Variants in FYCO1 observed in about 807,000 individuals in gnomAD.
FYCO1 encodes the protein FYVE and coiled-coil domain autophagy adaptor 1.
FYCO1 carries 122 observed loss-of-function variants against 165.1 expected under a neutral mutation model. That is an observed-to-expected ratio of 0.74 (90% CI 0.64 to 0.86). FYCO1 has a LOEUF of 0.86. Among genes scored for constraint, FYCO1 ranks in the 40% least tolerant of loss-of-function variants. The probability of loss-of-function intolerance (pLI) is 0.00; values close to 1 mark genes in which losing one functional copy is unlikely to be tolerated. For missense variants in FYCO1, 1,702 were observed against 1,810.3 expected (o/e 0.94, Z 1.09); for synonymous variants, 648 against 742.5 (o/e 0.87, Z 2.07).
At chr3:45,922,880 CAGATCAGGCAGTT>C (rs2125786913) in intron 17 of FYCO1, among the ~76,000 whole-genome samples, 1 of 152,312 alleles carries the variant, frequency 6.6e-6, no homozygotes, top group Non-Finnish European at 1.5e-5. Flanking sequence ...TGGCCAGAAA[CAGATCAGGCAGTT>C]CTCTCTAAAG....
rs201302543 is a variant in FYCO1, at chr3:45,981,585, A to C, written c.147T>G (p.Leu49=). The C allele has an allele frequency of 1.9e-6, 3 of 1,608,366 alleles. No individual in the cohort carries two copies. The Admixed American group carries it at 5.0e-5, about 27-fold the overall frequency. The change falls in exon 3 of 18, where the codon CTT becomes CTG. Residue 49 remains leucine (L), a synonymous_variant. Coordinates refer to ENST00000296137, the MANE Select transcript of FYCO1 (RefSeq NM_024513.4). ...STSLHKFSYK[L]EYLLQFDQKE... ...CATCACTTACTTGCAGGAGATACTCAAGTTTATAAGAAAATTTATGCAAGC... is the reference window on the plus strand; with the variant it reads ...CATCACTTACTTGCAGGAGATACTCCAGTTTATAAGAAAATTTATGCAAGC...
intron 1 of FYCO1, among the ~76,000 whole-genome samples, chr3:45,990,550 G>A (rs2125881198): frequency 6.6e-6 from 1 of 152,166 alleles, no homozygotes; most frequent in South Asian, 2.1e-4. Flanking sequence ...GTAATTTTTT[G>A]TTGAATCTCT....
chr3:45,947,518 C>G (rs376882050), intron 14 of FYCO1: 1 of 1,607,084 alleles, frequency 6.2e-7, no homozygotes, highest in Non-Finnish European at 8.5e-7. Flanking sequence ...TAGGCCTTGC[C>G]AGGGTTTCGA....
At position 45,973,169 on chromosome 3, in the gene FYCO1, T is replaced by C. The variant is rs1279184081; in HGVS notation, c.458A>G (p.Gln153Arg). 1.9e-6 allele frequency: 3 copies of C among 1,614,250 alleles called. No individual in the cohort carries two copies. In the Admixed American group the frequency reaches 5.0e-5, roughly 27 times the overall value. ...CTGAACCTCAGTCAGCTCATAGAGT[T>C]GGCCCACAATGTCCGAGCTCAGCTT... ...QPKLSSDIVG[Q>R]LYELTEVQFD... The change falls in exon 6 of 18, where the codon CAA becomes CGA. Residue 153 changes from glutamine (Q) to arginine (R), a missense_variant. By Grantham distance (43) the Gln-to-Arg change is conservative. Coordinates refer to ENST00000296137, the MANE Select transcript of FYCO1 (RefSeq NM_024513.4).
At position 45,966,345 on chromosome 3, in the gene FYCO1, G is replaced by A; in HGVS notation, c.2989C>T (p.His997Tyr). The A allele has an allele frequency of 6.2e-7, 1 of 1,614,178 alleles. No homozygotes were observed. The highest frequency in any genetic ancestry group is 8.5e-7 in the Non-Finnish European group (1 of 1,179,994). The change falls in exon 8 of 18, where the codon CAC (histidine) becomes TAC (tyrosine). Residue 997 changes from histidine (H) to tyrosine (Y), a missense_variant. Transcript: ENST00000296137. Reference sequence around the variant, plus strand: ...AACTTGAGGGTGTTGAGCTCCTGGTGTGCAGCCTCTTGGAGGCTCTGGGCC... The same window carrying A: ...AACTTGAGGGTGTTGAGCTCCTGGTATGCAGCCTCTTGGAGGCTCTGGGCC... ...QRAQSLQEAA[H>Y]QELNTLKFQL...
intron 14 of FYCO1, among the ~76,000 whole-genome samples, chr3:45,950,060 C>T (rs1192323891): frequency 6.6e-6 from 1 of 152,134 alleles, no homozygotes; most frequent in African/African-American, 2.4e-5. Context: ...GGCTCCATTC[C>T]ACAGAGGAGA....
chr3:45,964,473 G>C lies in FYCO1; in HGVS notation c.3151-19C>G. ...GGGTGGCCTGGCACAGGACGTCAGG[G>C]AGAAGACACTCAGCTTGCAGAAGGC... On this transcript the variant is annotated intron_variant, in intron 9 of 17. Coordinates refer to ENST00000296137, the MANE Select transcript of FYCO1 (RefSeq NM_024513.4). The surrounding 1 kb of genome is among the most constrained non-coding windows in gnomAD (Gnocchi z 4.1). 6.2e-7 allele frequency: 1 copy of C among 1,613,560 alleles called. No homozygotes were observed. Among genetic ancestry groups the C allele is most frequent in the Non-Finnish European group, 8.5e-7 (1 of 1,179,710 alleles).
intron 14 of FYCO1, among the ~76,000 whole-genome samples, chr3:45,940,307 T>C (rs891929182): frequency 1.3e-5 from 2 of 152,074 alleles, no homozygotes; most frequent in South Asian, 4.1e-4. Flanking sequence ...TCCCAATAGA[T>C]AGAAAACATC....
At chr3:45,928,972 T>C (rs984446987) in intron 16 of FYCO1, among the ~76,000 whole-genome samples, 1 of 152,228 alleles carries the variant, frequency 6.6e-6, no homozygotes, top group African/African-American at 2.4e-5. Flanking sequence ...ATTCCTTGTG[T>C]CTATACCTCC....
At position 45,958,498 on chromosome 3, in the gene FYCO1, G is replaced by A; in HGVS notation, c.3709C>T (p.Pro1237Ser). The A allele has an allele frequency of 6.2e-7, 1 of 1,614,150 alleles. No individual in the cohort carries two copies. Among genetic ancestry groups the A allele is most frequent in the Non-Finnish European group, 8.5e-7 (1 of 1,180,030 alleles). ...CTAGTGCCTGAGCCACTGCTATCAGGGGAGCCAGGGCCTTCACTGAGCTTC... is the reference window on the plus strand; with the variant it reads ...CTAGTGCCTGAGCCACTGCTATCAGAGGAGCCAGGGCCTTCACTGAGCTTC... Reference protein sequence around the residue: ...FQKLSEGPGSPDSSGSGTSQG... With the variant: ...FQKLSEGPGSSDSSGSGTSQG... Residue 1237 changes from proline (P) to serine (S), a missense_variant, in exon 13 of 18, where the codon CCT (proline) becomes TCT (serine). Coordinates refer to ENST00000296137, the MANE Select transcript of FYCO1 (RefSeq NM_024513.4).
rs1298655896 is a variant in FYCO1 at position 45,993,703 on chromosome 3, T to C, written c.-113+2019A>G. 6.6e-6 allele frequency among the ~76,000 whole-genome samples: 1 copy of C among 152,192 alleles called. No individual in the cohort carries two copies. The highest frequency in any genetic ancestry group is 1.5e-5 in the Non-Finnish European group (1 of 68,032). On this transcript the variant is annotated intron_variant, in intron 1 of 17. Transcript: ENST00000296137. The surrounding 1 kb of genome is among the most constrained non-coding windows in gnomAD (Gnocchi z 4.4). ...ATCACAGGCACCAGTTAATGACCCT[T>C]ACCTGCTGCCTAGGGCTGCTTGCAG...
Position 45,964,320 on chromosome 3 carries a change from G to A in FYCO1, c.3269+16C>T, listed in dbSNP as rs367876364. ...CTGAAGACTACCGACAGCTACGTAG[G>A]TGGACTGTGACTAACCTTTCTAGGT... On this transcript the variant is annotated intron_variant, in intron 10 of 17. Transcript: ENST00000296137. This position sits in a 1 kb window ranked among gnomAD's most constrained non-coding sequence, Gnocchi z 4.1. 1 of 1,580,964 alleles carries A rather than the reference G, an allele frequency of 6.3e-7. No homozygotes were observed. The highest frequency in any genetic ancestry group is 8.7e-7 in the Non-Finnish European group (1 of 1,149,780).
chr3:45,946,967 T>C, intron 14 of FYCO1: 1 of 1,614,212 alleles, frequency 6.2e-7, no homozygotes. Context: ...CCCTGCTGGT[T>C]TCCTTGCCCC....
chr3:45,943,696 C>T (rs1704386102), intron 14 of FYCO1, among the ~76,000 whole-genome samples: 1 of 152,168 alleles, frequency 6.6e-6, no homozygotes, highest in East Asian at 1.9e-4. Context: ...CCATCACTGC[C>T]ATTTGCTGCT....
At chr3:45,934,975 C>T (rs1194228455) in intron 15 of FYCO1, among the ~76,000 whole-genome samples, 2 of 152,228 alleles carry the variant, frequency 1.3e-5, no homozygotes, top group Admixed American at 6.5e-5. Flanking sequence ...CATACTCCCC[C>T]AGCATCAACA....
At chr3:45,989,842 TG>T (rs1707485954) in intron 1 of FYCO1, among the ~76,000 whole-genome samples, 1 of 152,252 alleles carries the variant, frequency 6.6e-6, no homozygotes, top group East Asian at 1.9e-4. Context: ...CTTTTGGATC[TG>T]GGGAAGCCAA....
chr3:45,942,701 T>C (rs1391469600), intron 14 of FYCO1, among the ~76,000 whole-genome samples: 2 of 152,224 alleles, frequency 1.3e-5, no homozygotes, highest in Non-Finnish European at 2.9e-5. Flanking sequence ...TGTTAGATCA[T>C]GGAGACTGAC....
chr3:45,926,692 C>T (rs908142753), intron 16 of FYCO1, among the ~76,000 whole-genome samples: 6 of 152,188 alleles, frequency 3.9e-5, no homozygotes, highest in Non-Finnish European at 5.9e-5. Context: ...CGGCCAGGCA[C>T]GGTGGCTCAC....
chr3:45,995,500 G>A (rs12493953), intron 1 of FYCO1, among the ~76,000 whole-genome samples: 39,694 of 152,210 alleles, frequency 0.26, 6,508 homozygotes, highest in Admixed American at 0.41. Flanking sequence ...CCGACCAACA[G>A]AGGCAGGCTG....
Sources: gnomAD v4.1 joint callset for allele counts (sites outside exome capture counted in the v4.1 genomes callset) on GRCh38, gnomAD v4.1.1 for gene constraint, Gnocchi (gnomAD v3.1) non-coding constraint, MANE v1.5 for transcripts, NCBI Gene and HGNC (gene_info 2026-07-23, HGNC 2026-07-21) for gene names.